The following ANKRD13A variants were observed in gnomAD, a reference collection of about 807,000 sequenced individuals.
ANKRD13A encodes the protein ankyrin repeat domain-containing protein 13A.
ANKRD13A carries 48 observed loss-of-function variants against 81.3 expected under a neutral mutation model. That is an observed-to-expected ratio of 0.59 (90% confidence interval 0.47 to 0.75). ANKRD13A has a LOEUF of 0.75. Among genes scored for constraint, ANKRD13A ranks in the 30% least tolerant of loss-of-function variants. The pLI is 0.00. For missense variants in ANKRD13A, 612 were observed against 734.0 expected (o/e 0.83, Z 1.92); for synonymous variants, 230 against 270.1 (o/e 0.85, Z 1.45).
At chr12:110,015,977 T>C (rs1327251685) in intron 3 of ANKRD13A, among the ~76,000 whole-genome samples, 1 of 149,694 alleles carries the variant, frequency 6.7e-6, no homozygotes, top group African/African-American at 2.5e-5. Context: ...TTCCATACAG[T>C]ATCTCGCTCT....
chr12:109,999,655 CG>C lies in ANKRD13A; in HGVS notation c.-31del. On this transcript the variant is annotated 5_prime_UTR_variant, in exon 1 of 15. Coordinates refer to ENST00000261739, the MANE Select transcript of ANKRD13A (RefSeq NM_033121.2). This position sits in a 1 kb window ranked among gnomAD's most constrained non-coding sequence, Gnocchi z 4.3. Reference sequence around the variant, plus strand: ...ACCCCGCCGGGGCCGAGACTTGGGGCGGGCGACGAGGACCAGGTTACGGCCT... The same window carrying C: ...ACCCCGCCGGGGCCGAGACTTGGGGCGGCGACGAGGACCAGGTTACGGCCT... 6.7e-7 allele frequency: 1 copy of C among 1,492,404 alleles called. No individual in the cohort carries two copies. The highest frequency in any genetic ancestry group is 9.0e-7 in the Non-Finnish European group (1 of 1,115,268). 92.4% of individuals were successfully genotyped at this position (1,492,404 alleles called of 1,614,324 possible).
chr12:110,010,500 A>G (rs1463741370), intron 1 of ANKRD13A, among the ~76,000 whole-genome samples: 1 of 152,238 alleles, frequency 6.6e-6, no homozygotes, highest in Non-Finnish European at 1.5e-5. Context: ...TCTAGAAGAT[A>G]TTAATATGAC....
Position 110,013,160 on chromosome 12 carries a change from A to AT in ANKRD13A, c.266dup (p.Met89IlefsTer19). ...GGCTGTGAGCACTGGCGATCCTGAGATGGTGTACACAGTTCTCCAACATCG... is the reference window on the plus strand; with the variant it reads ...GGCTGTGAGCACTGGCGATCCTGAGATTGGTGTACACAGTTCTCCAACATCG... On this transcript the variant is annotated frameshift_variant, in exon 3 of 15. Transcript: ENST00000261739. LOFTEE classifies it high-confidence loss of function. 1.2e-6 allele frequency: 2 copies of AT among 1,614,180 alleles called. No individual in the cohort carries two copies. The highest frequency in any genetic ancestry group is 1.7e-6 in the Non-Finnish European group (2 of 1,180,020).
At chr12:110,022,487 T>C (rs1593218285) in intron 6 of ANKRD13A, 1 of 148,692 alleles carries the variant, frequency 6.7e-6, no homozygotes, top group Non-Finnish European at 1.5e-5. Context: ...CTTAGGGCAG[T>C]AGAGGCAGGA....
At chr12:110,033,381 G>T (rs138750062) in intron 12 of ANKRD13A, among the ~76,000 whole-genome samples, 11 of 152,044 alleles carry the variant, frequency 7.2e-5, no homozygotes, top group Admixed American at 2.0e-4. Flanking sequence ...AGTGTTCTGT[G>T]TCTTAGGCTA....
Position 110,025,727 on chromosome 12 carries a change from G to T in ANKRD13A, c.802-15G>T, listed in dbSNP as rs187564276. The T allele has an allele frequency of 1.3e-6, 2 of 1,588,032 alleles. No homozygotes were observed. Among genetic ancestry groups the T allele is most frequent in the Non-Finnish European group, 1.7e-6 (2 of 1,166,524 alleles). Reference sequence around the variant, plus strand: ...ATTCCCTGTGTCACTGTTTTCTTTCGCATACACCTCTCAGGTTTACACAGT... The same window carrying T: ...ATTCCCTGTGTCACTGTTTTCTTTCTCATACACCTCTCAGGTTTACACAGT... On this transcript the variant is annotated splice_polypyrimidine_tract_variant and intron_variant, in intron 7 of 14. Coordinates refer to ENST00000261739, the MANE Select transcript of ANKRD13A (RefSeq NM_033121.2).
chr12:110,023,937 T>C (rs1891192093), intron 6 of ANKRD13A, 109 bp from the exon 7 acceptor site: 1 of 1,062,676 alleles, frequency 9.4e-7, no homozygotes, highest in Admixed American at 2.2e-5. Flanking sequence ...GATTTCCAAG[T>C]GTCCTTCACT....
intron 1 of ANKRD13A, among the ~76,000 whole-genome samples, chr12:110,003,209 G>T (rs887828510): frequency 6.6e-6 from 1 of 152,308 alleles, no homozygotes; most frequent in East Asian, 1.9e-4. Flanking sequence ...GTGAGGTGGA[G>T]GGTGGCAAAT....
At position 110,005,329 on chromosome 12, in the gene ANKRD13A, G is replaced by A. The variant is rs548387994; in HGVS notation, c.96+5545G>A. ...GCTAATTTTTAAAGATTTTTTTGTA[G>A]AGAAAATGTGTCCCTATGTTGCCCA... On this transcript the variant is annotated intron_variant, in intron 1 of 14. Coordinates refer to ENST00000261739, the MANE Select transcript of ANKRD13A (RefSeq NM_033121.2). Among the ~76,000 whole-genome samples, 12 of 152,124 alleles carry A rather than the reference G, an allele frequency of 7.9e-5. No homozygotes were observed. In the South Asian group the frequency reaches 2.1e-3, roughly 26 times the overall value.
At chr12:110,031,848 A>G (rs2137174251) in intron 12 of ANKRD13A, among the ~76,000 whole-genome samples, 1 of 152,092 alleles carries the variant, frequency 6.6e-6, no homozygotes, top group South Asian at 2.1e-4. Context: ...TTGACCTTGA[A>G]TCGTTTTTAA....
Position 110,019,190 on chromosome 12 carries a change from C to G in ANKRD13A, c.596C>G (p.Thr199Ser). The G allele has an allele frequency of 6.2e-7, 1 of 1,613,726 alleles. No homozygotes were observed. The highest frequency in any genetic ancestry group is 8.5e-7 in the Non-Finnish European group (1 of 1,179,690). Residue 199 changes from threonine (T) to serine (S), a missense_variant, in exon 6 of 15, where the codon ACC (threonine) becomes AGC (serine). Thr to Ser is a moderately conservative substitution (Grantham distance 58). Coordinates refer to ENST00000261739, the MANE Select transcript of ANKRD13A (RefSeq NM_033121.2). ...AACCATGATGACAAAGTGGTCACCA[C>G]CGAACGCTTCGACCTTTCCCAAGAA... Reference protein sequence around the residue: ...EVNHDDKVVTTERFDLSQEME... With the variant: ...EVNHDDKVVTSERFDLSQEME...
intron 1 of ANKRD13A, among the ~76,000 whole-genome samples, chr12:110,006,047 C>A (rs2137082839): frequency 6.6e-6 from 1 of 152,248 alleles, no homozygotes; most frequent in Non-Finnish European, 1.5e-5. Context: ...GAACTCCTGA[C>A]CTCAAGTGAT....
At chr12:110,009,243 G>T (rs756881091) in intron 1 of ANKRD13A, among the ~76,000 whole-genome samples, 2 of 151,986 alleles carry the variant, frequency 1.3e-5, no homozygotes, top group Admixed American at 1.3e-4. Flanking sequence ...CACCACGCGC[G>T]GCTAATTTTG....
intron 3 of ANKRD13A, among the ~76,000 whole-genome samples, chr12:110,015,691 C>T (rs1174582983): frequency 6.6e-6 from 1 of 151,974 alleles, no homozygotes; most frequent in Non-Finnish European, 1.5e-5. Flanking sequence ...GGATTACAGG[C>T]GTGTGCCACC....
At chr12:110,004,268 G>A (rs780099189) in intron 1 of ANKRD13A, among the ~76,000 whole-genome samples, 9 of 152,050 alleles carry the variant, frequency 5.9e-5, no homozygotes, top group Non-Finnish European at 1.0e-4. Context: ...TTTTTATTTG[G>A]GTATAGCTCA....
intron 9 of ANKRD13A, chr12:110,028,288 T>G (rs1305085881): frequency 1.6e-5 from 7 of 447,144 alleles, no homozygotes. Context: ...GATAAAAATG[T>G]AAAGGAGAGT....
intron 3 of ANKRD13A, among the ~76,000 whole-genome samples, chr12:110,014,222 C>T (rs1416347577): frequency 6.6e-6 from 1 of 152,050 alleles, no homozygotes; most frequent in African/African-American, 2.4e-5. Flanking sequence ...ACCATCCTGA[C>T]TAACACGGTG....
At chr12:110,025,346 ACT>A (rs1234601057) in intron 7 of ANKRD13A, among the ~76,000 whole-genome samples, 2 of 145,920 alleles carry the variant, frequency 1.4e-5, no homozygotes, top group Non-Finnish European at 1.5e-5. Context: ...ACAGAGGGAG[ACT>A]CTGTCTCAAA....
intron 1 of ANKRD13A, among the ~76,000 whole-genome samples, chr12:110,009,417 A>C (rs1046416704): frequency 2.6e-5 from 4 of 152,076 alleles, no homozygotes; most frequent in Non-Finnish European, 4.4e-5. Context: ...ATTTCTGTAG[A>C]GTTGCTAATA....
Sources: gnomAD v4.1 joint callset for allele counts (sites outside exome capture counted in the v4.1 genomes callset) on GRCh38, gnomAD v4.1.1 for gene constraint, Gnocchi (gnomAD v3.1) non-coding constraint, MANE v1.5 for transcripts, NCBI Gene and HGNC (gene_info 2026-07-23, HGNC 2026-07-21) for gene names.